SH3GL2: variants seen among roughly 807,000 people sequenced by gnomAD.
SH3GL2 encodes the protein SH3 domain containing GRB2 like 2, endophilin A1, also known as endophilin-A1.
In SH3GL2, 24 loss-of-function variants were observed where a neutral mutation model predicts 46.0. The observed-to-expected ratio is 0.52, with a 90% CI of 0.38 to 0.73. The LOEUF (loss-of-function observed/expected upper bound fraction) is 0.73. Ranked by LOEUF, SH3GL2 falls within the 30% of genes least tolerant of loss-of-function variation. SH3GL2 has a pLI of 0.00. For missense variants in SH3GL2, 413 were observed against 424.2 expected, an observed-to-expected ratio of 0.97 and a Z score of 0.23; for synonymous variants, 196 against 147.1, an observed-to-expected ratio of 1.33 and a Z score of -2.40.
intron 1 of SH3GL2, among the ~76,000 whole-genome samples, chr9:17,712,941 T>C (rs1821668372): frequency 6.7e-6 from 1 of 148,860 alleles, no homozygotes; most frequent in South Asian, 2.1e-4. Flanking sequence ...CTTGTGAACA[T>C]TCTTGCCGTG....
At chr9:17,655,455 A>G (rs1435653917) in intron 1 of SH3GL2, among the ~76,000 whole-genome samples, 2 of 152,144 alleles carry the variant, frequency 1.3e-5, no homozygotes, top group Non-Finnish European at 2.9e-5. Flanking sequence ...AACACACAAC[A>G]TGACTTACTG....
chr9:17,744,969 A>C (rs928732904), intron 1 of SH3GL2, among the ~76,000 whole-genome samples: 3 of 152,302 alleles, frequency 2.0e-5, no homozygotes, highest in South Asian at 2.1e-4. Context: ...CTTCAGACGG[A>C]GGCATCCAGC....
At position 17,789,380 on chromosome 9, in the gene SH3GL2, T is replaced by G; in HGVS notation, c.466-12T>G. The G allele has an allele frequency of 6.2e-7, 1 of 1,612,188 alleles. No homozygotes were observed. Among genetic ancestry groups the G allele is most frequent in the Non-Finnish European group, 8.5e-7 (1 of 1,178,688 alleles). ...CCCTTTCAAAGCCTATTCCTGCCCT[T>G]GACTTTTGCAGCATCATCTAAAGAA... On this transcript the variant is annotated splice_polypyrimidine_tract_variant and intron_variant, in intron 5 of 8. Coordinates refer to ENST00000380607, the MANE Select transcript of SH3GL2 (RefSeq NM_003026.5).
intron 1 of SH3GL2, among the ~76,000 whole-genome samples, chr9:17,693,086 G>C (rs964572145): frequency 2.6e-5 from 4 of 152,068 alleles, no homozygotes; most frequent in African/African-American, 9.7e-5. Flanking sequence ...ATCAAATAGT[G>C]TTTTGGTTTT....
intron 1 of SH3GL2, among the ~76,000 whole-genome samples, chr9:17,619,264 G>C (rs1269599706): frequency 6.6e-6 from 1 of 152,106 alleles, no homozygotes; most frequent in Non-Finnish European, 1.5e-5. Flanking sequence ...GTGTGTACAT[G>C]GATGTATTTC....
intron 1 of SH3GL2, among the ~76,000 whole-genome samples, chr9:17,663,197 T>G (rs1820265298): frequency 1.3e-5 from 2 of 152,262 alleles, no homozygotes; most frequent in Admixed American, 1.3e-4. Flanking sequence ...GTGTCTGTTT[T>G]AAATAACAGA....
intron 8 of SH3GL2, among the ~76,000 whole-genome samples, chr9:17,794,177 C>A (rs1048531306): frequency 6.6e-6 from 1 of 152,188 alleles, no homozygotes; most frequent in African/African-American, 2.4e-5. Context: ...GTCACACTTG[C>A]TCTCCACTCC....
At chr9:17,716,608 A>C (rs938581662) in intron 1 of SH3GL2, among the ~76,000 whole-genome samples, 4 of 152,102 alleles carry the variant, frequency 2.6e-5, no homozygotes, top group Non-Finnish European at 5.9e-5. Context: ...AGTCTTGGTT[A>C]GTTTCCTCAC....
At chr9:17,768,840 CAT>C (rs1468730455) in intron 3 of SH3GL2, among the ~76,000 whole-genome samples, 1 of 152,336 alleles carries the variant, frequency 6.6e-6, no homozygotes, top group Admixed American at 6.5e-5. Flanking sequence ...CTTTATATCA[CAT>C]GAGTTCCCCT....
intron 1 of SH3GL2, among the ~76,000 whole-genome samples, chr9:17,720,602 T>C (rs1349171703): frequency 6.6e-6 from 1 of 152,118 alleles, no homozygotes; most frequent in Non-Finnish European, 1.5e-5. Flanking sequence ...TTTGCACATC[T>C]AGTTAGGTTA....
chr9:17,664,081 GTTTTAGCTT>G (rs1820286897), intron 1 of SH3GL2, among the ~76,000 whole-genome samples: 1 of 152,110 alleles, frequency 6.6e-6, no homozygotes, highest in Non-Finnish European at 1.5e-5. Context: ...ATAGTTTTCA[GTTTTAGCTT>G]CACTGTATCC....
At chr9:17,744,076 C>A (rs1170236752) in intron 1 of SH3GL2, among the ~76,000 whole-genome samples, 1 of 152,116 alleles carries the variant, frequency 6.6e-6, no homozygotes, top group Non-Finnish European at 1.5e-5. Flanking sequence ...ATGGAGACAA[C>A]AATTGATTTG....
chr9:17,621,443 T>G (rs1361562425), intron 1 of SH3GL2, among the ~76,000 whole-genome samples: 1 of 152,256 alleles, frequency 6.6e-6, no homozygotes, highest in East Asian at 1.9e-4. Flanking sequence ...CAATTCCTGC[T>G]TTTTGTAACA....
intron 1 of SH3GL2, among the ~76,000 whole-genome samples, chr9:17,596,993 A>T (rs944394786): frequency 5.9e-5 from 9 of 152,170 alleles, no homozygotes; most frequent in African/African-American, 1.9e-4. Flanking sequence ...GACCTCTGAG[A>T]TAAATAATTT....
chr9:17,736,398 A>G (rs961668633), intron 1 of SH3GL2, among the ~76,000 whole-genome samples: 2 of 152,108 alleles, frequency 1.3e-5, no homozygotes, highest in African/African-American at 4.8e-5. Context: ...TAGAGAAGTC[A>G]GTGATTTTTC....
intron 1 of SH3GL2, among the ~76,000 whole-genome samples, chr9:17,687,512 C>G (rs974208944): frequency 2.8e-5 from 4 of 142,310 alleles, no homozygotes; most frequent in African/African-American, 1.2e-4. Flanking sequence ...AAAAAAATTT[C>G]AATTGTAAAT....
Position 17,715,476 on chromosome 9 carries a change from T to C in SH3GL2, c.46-31590T>C, listed in dbSNP as rs529251996. Among the ~76,000 whole-genome samples, 14 of 152,090 alleles carry C rather than the reference T, an allele frequency of 9.2e-5. No homozygotes were observed. The East Asian group carries it at 2.7e-3, about 29-fold the overall frequency. On this transcript the variant is annotated intron_variant, in intron 1 of 8. Transcript: ENST00000380607. ...TCTGTTAACTCACTCGATATTGTCC[T>C]ATATCTCACTGATTATTTTCTTTCT...
chr9:17,595,190 T>A (rs1818548208), intron 1 of SH3GL2, among the ~76,000 whole-genome samples: 1 of 152,190 alleles, frequency 6.6e-6, no homozygotes, highest in Non-Finnish European at 1.5e-5. Flanking sequence ...AGCCAGTAAC[T>A]GCCAGTAGTT....
At position 17,796,521 on chromosome 9, in the gene SH3GL2, A is replaced by G. The variant is rs1268945525; in HGVS notation, c.*778A>G. On this transcript the variant is annotated 3_prime_UTR_variant, in exon 9 of 9. Transcript: ENST00000380607. The stretch of plus-strand genomic sequence containing the variant: ...ATTTCTTGCTATACAGAAACTATGT[A>G]TGTATTTAGGCTATTTCTGAAGGGC... 2 of 152,228 alleles carry G rather than the reference A, an allele frequency of 1.3e-5. No individual in the cohort carries two copies. Among genetic ancestry groups the G allele is most frequent in the African/African-American group, 2.4e-5 (1 of 41,454 alleles). The allele number at this position is 152,228 out of a possible 1,614,324, so 9.4% of individuals were successfully genotyped here.
Sources: allele counts gnomAD v4.1 joint callset (sites outside exome capture counted in the v4.1 genomes callset), GRCh38; gene constraint gnomAD v4.1.1; transcripts MANE v1.5; gene names NCBI Gene and HGNC (gene_info 2026-07-23, HGNC 2026-07-21).